The following OSBPL6 variants were observed in gnomAD, a reference collection of about 807,000 sequenced individuals.
OSBPL6 encodes oxysterol-binding protein-related protein 6.
A neutral mutation model predicts 125.8 loss-of-function variants in OSBPL6; 49 were observed. The ratio of observed to expected loss-of-function variants is 0.39; its 90% CI spans 0.31 to 0.49. The LOEUF (loss-of-function observed/expected upper bound fraction) is 0.49, where lower values mean the gene tolerates loss of function less well. Ranked by LOEUF, OSBPL6 falls within the 20% of genes least tolerant of loss-of-function variation. The pLI is 0.88. For missense variants in OSBPL6, 986 were observed against 1,135.4 expected (o/e 0.87, Z 1.89); for synonymous variants, 394 against 391.8 (o/e 1.01, Z -0.07).
chr2:178,309,191 C>G (rs1341697976), intron 3 of OSBPL6, among the ~76,000 whole-genome samples: 3 of 152,090 alleles, frequency 2.0e-5, no homozygotes, highest in Non-Finnish European at 2.9e-5. Context: ...CGCAAACCCA[C>G]TTTACCCTCT....
rs181567039 is a variant in OSBPL6, at chr2:178,356,317, A to G, written c.1154-5365A>G. On this transcript the variant is annotated intron_variant, in intron 12 of 24. Transcript: ENST00000190611. ...CAAATTGTCCCTGTTTGCAGATGAC[A>G]TGATTGTATATTTAGAAAACCCCAT... Among the ~76,000 whole-genome samples the G allele has an allele frequency of 3.6e-3, 552 of 152,328 alleles. 4 individuals carry two copies. The highest frequency in any genetic ancestry group is 0.011 in the African/African-American group (467 of 41,570).
chr2:178,245,462 A>G (rs1044276039), intron 1 of OSBPL6, among the ~76,000 whole-genome samples: 1 of 152,222 alleles, frequency 6.6e-6, no homozygotes, highest in African/African-American at 2.4e-5. Context: ...GGACATAGAA[A>G]GAATTCAGCC....
chr2:178,362,803 A>G (rs546677877), intron 13 of OSBPL6, among the ~76,000 whole-genome samples: 61 of 152,320 alleles, frequency 4.0e-4, no homozygotes, highest in African/African-American at 1.4e-3. Flanking sequence ...CATTATCCAT[A>G]AAACACTGTC....
At chr2:178,291,838 A>G (rs1038283505) in intron 2 of OSBPL6, among the ~76,000 whole-genome samples, 1 of 92,538 alleles carries the variant, frequency 1.1e-5, no homozygotes, top group African/African-American at 3.5e-5. Context: ...TTCATCCTTG[A>G]TGTCTTTTTC....
At chr2:178,271,482 A>G (rs1393677439) in intron 1 of OSBPL6, among the ~76,000 whole-genome samples, 1 of 152,152 alleles carries the variant, frequency 6.6e-6, no homozygotes, top group Admixed American at 6.5e-5. Flanking sequence ...GTTTTTGCTT[A>G]AAAACAAAAC....
chr2:178,296,657 C>G (rs1241163954), intron 2 of OSBPL6, among the ~76,000 whole-genome samples: 1 of 152,142 alleles, frequency 6.6e-6, no homozygotes, highest in Non-Finnish European at 1.5e-5. Context: ...CTTTGAAGCC[C>G]TAAACTGGGG....
chr2:178,260,888 G>A (rs994991965), intron 1 of OSBPL6, among the ~76,000 whole-genome samples: 5 of 152,356 alleles, frequency 3.3e-5, no homozygotes, highest in African/African-American at 9.6e-5. Flanking sequence ...GCTCATGCCT[G>A]TAATCCCAGC....
intron 12 of OSBPL6, among the ~76,000 whole-genome samples, chr2:178,359,319 T>C (rs1327218324): frequency 6.6e-6 from 1 of 152,186 alleles, no homozygotes; most frequent in African/African-American, 2.4e-5. Context: ...TCAGCATCAC[T>C]AATCATTAGG....
Position 178,365,778 on chromosome 2 carries a change from A to G in OSBPL6, c.1287+3963A>G, listed in dbSNP as rs1405991125. ...ACCCCCATGAAACTTAAACTTTCAC[A>G]CTTGAGAGGGAGCCTGGATGTTGGA... On this transcript the variant is annotated intron_variant, in intron 13 of 24. Transcript: ENST00000190611. Among the ~76,000 whole-genome samples the G allele has an allele frequency of 3.9e-5, 6 of 152,342 alleles. No individual in the cohort carries two copies. The South Asian group carries it at 1.0e-3, about 26-fold the overall frequency.
intron 12 of OSBPL6, among the ~76,000 whole-genome samples, chr2:178,361,026 A>G (rs1692304099): frequency 6.6e-6 from 1 of 152,212 alleles, no homozygotes; most frequent in Non-Finnish European, 1.5e-5. Flanking sequence ...GATTTTACCA[A>G]TGCTAATTTG....
chr2:178,228,273 T>A (rs151003925), intron 1 of OSBPL6, among the ~76,000 whole-genome samples: 1 of 152,168 alleles, frequency 6.6e-6, no homozygotes, highest in Non-Finnish European at 1.5e-5. Flanking sequence ...CGGTGGCTCA[T>A]GCCTGTAATC....
intron 11 of OSBPL6, among the ~76,000 whole-genome samples, chr2:178,345,025 G>A (rs1366406888): frequency 6.6e-6 from 1 of 152,078 alleles, no homozygotes; most frequent in Non-Finnish European, 1.5e-5. Flanking sequence ...TTTAAGGAGA[G>A]TAGAGAACAT....
rs928941660 is a variant in OSBPL6, at chr2:178,399,988, C to A, written c.*4429C>A. 2.6e-5 allele frequency: 4 copies of A among 151,892 alleles called. No homozygotes were observed. Among genetic ancestry groups the A allele is most frequent in the African/African-American group, 9.7e-5 (4 of 41,358 alleles). 9.4% of individuals were successfully genotyped at this position (151,892 alleles called of 1,614,324 possible). On this transcript the variant is annotated 3_prime_UTR_variant, in exon 25 of 25. Coordinates refer to ENST00000190611, the MANE Select transcript of OSBPL6 (RefSeq NM_032523.4). ...TATTTTCTGCAATTTTTTTTTCTAGCCATTCCTTCCTCCCAAATAGAAGTG... is the reference window on the plus strand; with the variant it reads ...TATTTTCTGCAATTTTTTTTTCTAGACATTCCTTCCTCCCAAATAGAAGTG...
chr2:178,215,160 G>A lies in OSBPL6; in HGVS notation c.-351+20486G>A, dbSNP rs145357579. On this transcript the variant is annotated intron_variant, in intron 1 of 24. Transcript: ENST00000190611. ...CTTGGTACTTCTGGGATTGGGAATGGTAATGAAATGTTTTATTCAGTGGGT... is the reference window on the plus strand; with the variant it reads ...CTTGGTACTTCTGGGATTGGGAATGATAATGAAATGTTTTATTCAGTGGGT... Among the ~76,000 whole-genome samples the A allele has an allele frequency of 3.5e-3, 535 of 151,802 alleles. 4 individuals carry two copies. The highest frequency in any genetic ancestry group is 5.8e-3 in the Non-Finnish European group (396 of 67,938).
At chr2:178,240,441 C>G (rs1031762796) in intron 1 of OSBPL6, among the ~76,000 whole-genome samples, 9 of 152,072 alleles carry the variant, frequency 5.9e-5, no homozygotes, top group Non-Finnish European at 1.3e-4. Context: ...CGGTGGTGCA[C>G]ACCGTAGTTT....
chr2:178,394,013 T>C (rs1449251551), intron 23 of OSBPL6, among the ~76,000 whole-genome samples: 1 of 152,144 alleles, frequency 6.6e-6, no homozygotes, highest in African/African-American at 2.4e-5. Context: ...AATCTCAAGT[T>C]ATAGAACCCT....
chr2:178,278,260 T>G (rs985335667), intron 1 of OSBPL6, among the ~76,000 whole-genome samples: 4 of 152,240 alleles, frequency 2.6e-5, no homozygotes, highest in Non-Finnish European at 5.9e-5. Context: ...ATATTCATAG[T>G]ACATATTTTG....
chr2:178,201,427 G>A (rs1030468714), intron 1 of OSBPL6, among the ~76,000 whole-genome samples: 1 of 152,086 alleles, frequency 6.6e-6, no homozygotes, highest in East Asian at 1.9e-4. Context: ...TGTTGCCCAG[G>A]CAGGAGTGCA....
At chr2:178,391,296 G>A (rs2154118886) in intron 22 of OSBPL6, 79 bp downstream of exon 22, 2 of 1,403,536 alleles carry the variant, frequency 1.4e-6, no homozygotes, top group Admixed American at 2.6e-5. Context: ...GTCATCTTAT[G>A]CAACTCACAT....
Sources: gnomAD v4.1 joint callset for allele counts (sites outside exome capture counted in the v4.1 genomes callset) on GRCh38, gnomAD v4.1.1 for gene constraint, MANE v1.5 for transcripts, NCBI Gene and HGNC (gene_info 2026-07-23, HGNC 2026-07-21) for gene names.